The following PAK3 variants were observed in gnomAD, a reference collection of about 807,000 sequenced individuals.
The protein encoded by PAK3 is p21 (RAC1) activated kinase 3, also known as serine/threonine-protein kinase PAK 3.
Under a neutral mutation model 41.0 loss-of-function variants are expected in PAK3, and 4 were observed. The observed-to-expected ratio is 0.10, with a 90% CI of 0.05 to 0.22. The LOEUF (loss-of-function observed/expected upper bound fraction) is 0.22. Among genes scored for constraint, PAK3 ranks in the 10% least tolerant of loss-of-function variants. PAK3 has a pLI of 1.00. For missense variants in PAK3, 205 were observed against 409.9 expected (o/e 0.50, Z 4.32); for synonymous variants, 146 against 139.6 (o/e 1.05, Z -0.32).
chrX:111,132,150 C>T (rs1299013879), intron 5 of PAK3, among the ~76,000 whole-genome samples: 2 of 110,618 alleles, frequency 1.8e-5, no homozygotes, highest in Non-Finnish European at 3.8e-5. Context: ...AATGGACCAC[C>T]GAAAGCATCT....
chrX:111,157,448 C>T (rs2094120694), intron 8 of PAK3, among the ~76,000 whole-genome samples: 1 of 111,285 alleles, frequency 9.0e-6, no homozygotes, highest in African/African-American at 3.3e-5. Flanking sequence ...TGTACCTTTC[C>T]GGGGAGATAG....
chrX:111,025,987 A>G (rs2092264518), intron 1 of PAK3, among the ~76,000 whole-genome samples: 1 of 112,050 alleles, frequency 8.9e-6, no homozygotes, highest in Non-Finnish European at 1.9e-5. Context: ...TGAGGGATGC[A>G]CAGATAGTTT....
At chrX:111,109,272 G>A (rs1450836586) in intron 4 of PAK3, among the ~76,000 whole-genome samples, 1 of 112,085 alleles carries the variant, frequency 8.9e-6, no homozygotes, top group Non-Finnish European at 1.9e-5. Flanking sequence ...ACAGTATAGA[G>A]CTTATTATCT....
rs60724970 is a variant in PAK3, at chrX:110,969,094, A to ATTTTTTTTTTTTTTTTTTTTTTTTT, written c.-28+24467_-28+24491dup. ...AGGCATGTGCTACCAGACCTGCCTA[A>ATTTTTTTTTTTTTTTTTTTTTTTTT]TTTTTTTTTTTTTTTTTTTTTTTTT... On this transcript the variant is annotated intron_variant, in intron 1 of 14. Coordinates refer to the PAK3 transcript ENST00000425146. Among the ~76,000 whole-genome samples the ATTTTTTTTTTTTTTTTTTTTTTTTT allele has an allele frequency of 2.0e-4, 8 of 40,617 alleles. 1 individual carries two copies. Among genetic ancestry groups the ATTTTTTTTTTTTTTTTTTTTTTTTT allele is most frequent in the Non-Finnish European group, 3.2e-4 (8 of 24,761 alleles). 35.3% of individuals were successfully genotyped at this position (40,617 alleles called of 115,157 possible).
chrX:111,079,428 G>A (rs1054969229), intron 1 of PAK3, among the ~76,000 whole-genome samples: 9 of 111,694 alleles, frequency 8.1e-5, no homozygotes, highest in Non-Finnish European at 1.7e-4. Flanking sequence ...AACAAAGCCT[G>A]GATGACAGCA....
intron 5 of PAK3, among the ~76,000 whole-genome samples, chrX:111,124,138 G>A (rs1371277887): frequency 8.9e-6 from 1 of 111,809 alleles, no homozygotes; most frequent in Admixed American, 9.5e-5. Flanking sequence ...CTTATATAGT[G>A]TTAATCAATC....
intron 5 of PAK3, among the ~76,000 whole-genome samples, chrX:111,137,932 T>A (rs1265729279): frequency 9.0e-6 from 1 of 111,588 alleles, no homozygotes; most frequent in Non-Finnish European, 1.9e-5. Context: ...CTCACAGAAT[T>A]TTGCAGGGTG....
At chrX:111,165,973 GT>G (rs1211158731) in intron 10 of PAK3, among the ~76,000 whole-genome samples, 9 of 107,424 alleles carry the variant, frequency 8.4e-5, no homozygotes, top group Admixed American at 3.0e-4. Context: ...ATTCAGTGGG[GT>G]TTTTTTTTTC....
chrX:111,186,860 A>G (rs981005689), intron 11 of PAK3, among the ~76,000 whole-genome samples: 9 of 111,966 alleles, frequency 8.0e-5, no homozygotes, highest in African/African-American at 2.9e-4. Flanking sequence ...TTTTGTAAAT[A>G]TATGCATGGA....
intron 1 of PAK3, among the ~76,000 whole-genome samples, chrX:110,980,753 A>C (rs925226134): frequency 1.4e-4 from 16 of 112,242 alleles, no homozygotes; most frequent in Admixed American, 7.5e-4. Context: ...GCATAATCCA[A>C]TGCAATAGAC....
chrX:111,133,754 G>A (rs768171327), intron 5 of PAK3, among the ~76,000 whole-genome samples: 2 of 111,917 alleles, frequency 1.8e-5, no homozygotes, highest in Admixed American at 9.5e-5. Flanking sequence ...TGCTTTATAT[G>A]ATATTTTGCT....
At chrX:111,090,913 A>T (rs776615642) in intron 1 of PAK3, among the ~76,000 whole-genome samples, 16 of 111,904 alleles carry the variant, frequency 1.4e-4, no homozygotes, top group Non-Finnish European at 2.8e-4. Context: ...AATTCAATTC[A>T]CTCTGCAGGT....
At chrX:111,201,378 T>A (rs2094681827) in intron 16 of PAK3, among the ~76,000 whole-genome samples, 1 of 111,824 alleles carries the variant, frequency 8.9e-6, no homozygotes. Flanking sequence ...CATGAGCCTA[T>A]AGGGAGCAGC....
intron 1 of PAK3, among the ~76,000 whole-genome samples, chrX:111,061,818 C>T (rs7053962): frequency 0.046 from 5,098 of 109,696 alleles, 293 homozygotes; most frequent in African/African-American, 0.16. Flanking sequence ...TACTCAGTCA[C>T]TTGTTTTTTT....
At chrX:111,103,856 A>T (rs1386577166) in intron 4 of PAK3, among the ~76,000 whole-genome samples, 1 of 111,233 alleles carries the variant, frequency 9.0e-6, no homozygotes, top group Non-Finnish European at 1.9e-5. Flanking sequence ...ACCAAGATGC[A>T]CTTCCTCCAC....
At chrX:111,101,915 A>G (rs1431947622) in intron 3 of PAK3, among the ~76,000 whole-genome samples, 4 of 111,963 alleles carry the variant, frequency 3.6e-5, no homozygotes, top group African/African-American at 1.3e-4. Context: ...TTTTAATTCC[A>G]GAAGGGGGAA....
intron 5 of PAK3, among the ~76,000 whole-genome samples, chrX:111,127,853 A>T (rs745754671): frequency 8.9e-6 from 1 of 111,919 alleles, no homozygotes; most frequent in South Asian, 3.8e-4. Flanking sequence ...CTTTGAATTT[A>T]TGCTATCATG....
chrX:111,201,965 G>T (rs1172149973), intron 16 of PAK3, among the ~76,000 whole-genome samples: 1 of 110,564 alleles, frequency 9.0e-6, no homozygotes, highest in African/African-American at 3.3e-5. Flanking sequence ...ACTCTCCTAA[G>T]AACATATCCT....
intron 16 of PAK3, among the ~76,000 whole-genome samples, chrX:111,198,691 A>T (rs750298076): frequency 6.7e-5 from 7 of 105,103 alleles, no homozygotes; most frequent in Non-Finnish European, 1.4e-4. Context: ...CTATGTGTCT[A>T]TTTTTTTTTT....
Sources: gnomAD v4.1 joint callset for allele counts (sites outside exome capture counted in the v4.1 genomes callset) on GRCh38, gnomAD v4.1.1 for gene constraint, MANE v1.5 for transcripts, NCBI Gene and HGNC (gene_info 2026-07-23, HGNC 2026-07-21) for gene names.